The following SEPSECS variants were observed in gnomAD, a reference collection of about 807,000 sequenced individuals.
SEPSECS encodes Sep (O-phosphoserine) tRNA:Sec (selenocysteine) tRNA synthase.
In SEPSECS, 42 loss-of-function variants were observed where a neutral mutation model predicts 52.1. That is an observed-to-expected ratio of 0.81 (90% CI 0.63 to 1.04). SEPSECS has a LOEUF of 1.04. Among genes scored for constraint, SEPSECS ranks in the 50% least tolerant of loss-of-function variants. The pLI is 0.00. For synonymous variants in SEPSECS, 216 were observed against 211.4 expected, an observed-to-expected ratio of 1.02 and a Z score of -0.19; for missense variants, 590 against 610.6, an observed-to-expected ratio of 0.97 and a Z score of 0.36.
chr4:25,131,933 C>A (rs1728623797), intron 8 of SEPSECS, among the ~76,000 whole-genome samples: 1 of 152,140 alleles, frequency 6.6e-6, no homozygotes. Context: ...CTTCTAAGAC[C>A]ATAGACTTTC....
intron 8 of SEPSECS, among the ~76,000 whole-genome samples, chr4:25,136,136 A>C (rs747811183): frequency 4.6e-5 from 7 of 152,176 alleles, no homozygotes; most frequent in African/African-American, 7.2e-5. Context: ...CCCCTTGAAA[A>C]CCAGCTCAAG....
chr4:25,159,945 T>G, intron 1 of SEPSECS: 1 of 985,406 alleles, frequency 1.0e-6, no homozygotes, highest in Non-Finnish European at 1.2e-6. Context: ...GTGCGAACTT[T>G]GCCCTTTCCG....
At chr4:25,128,516 T>C (rs1260041652) in intron 8 of SEPSECS, among the ~76,000 whole-genome samples, 2 of 151,990 alleles carry the variant, frequency 1.3e-5, no homozygotes, top group Admixed American at 6.6e-5. Flanking sequence ...AAAAATAAAA[T>C]ATATTCAATA....
At chr4:25,138,344 A>T (rs1014853566) in intron 8 of SEPSECS, among the ~76,000 whole-genome samples, 5 of 152,088 alleles carry the variant, frequency 3.3e-5, no homozygotes, top group African/African-American at 1.2e-4. Context: ...GTTTAAAAAT[A>T]AACTTAGGCT....
chr4:25,136,888 T>C (rs1577609976), intron 8 of SEPSECS, among the ~76,000 whole-genome samples: 3 of 152,076 alleles, frequency 2.0e-5, no homozygotes, highest in Admixed American at 6.6e-5. Flanking sequence ...CGAAACAGAA[T>C]AGATAACTCA....
chr4:25,145,912 T>C (rs1398639404), intron 6 of SEPSECS, among the ~76,000 whole-genome samples: 1 of 152,270 alleles, frequency 6.6e-6, no homozygotes, highest in East Asian at 1.9e-4. Context: ...TTGGCAATTC[T>C]AGAAGCAATG....
intron 6 of SEPSECS, 58 bp from the exon 7 acceptor site, chr4:25,145,191 C>T: frequency 6.4e-7 from 1 of 1,552,086 alleles, no homozygotes; most frequent in South Asian, 1.1e-5. Flanking sequence ...CTGCTATTAA[C>T]AAACAAATAC....
At chr4:25,151,158 G>A (rs1452610925) in intron 6 of SEPSECS, among the ~76,000 whole-genome samples, 2 of 152,084 alleles carry the variant, frequency 1.3e-5, no homozygotes. Flanking sequence ...CACTCACTTT[G>A]TTCAGTAACC....
chr4:25,145,037 A>T lies in SEPSECS; in HGVS notation c.901T>A (p.Ser301Thr). ...GGAIIAGFND[S>T]FIQEISKMYP... ...ATCTTGCTGATTTCCTGAATGAATG[A>T]ATCATTAAAGCCAGCAATTATAGCA... is the stretch of plus-strand genomic sequence containing the variant. The change falls in exon 7 of 11, where the codon TCA becomes ACA. Residue 301 changes from serine (S) to threonine (T), a missense_variant. By Grantham distance (58) the Ser-to-Thr change is moderately conservative. Transcript: ENST00000382103. 1 of 1,614,006 alleles carries T rather than the reference A, an allele frequency of 6.2e-7. No homozygotes were observed. Among genetic ancestry groups the T allele is most frequent in the East Asian group, 2.2e-5 (1 of 44,826 alleles).
At position 25,151,978 on chromosome 4, in the gene SEPSECS, A is replaced by G; in HGVS notation, c.786T>C (p.Cys262=). The change falls in exon 6 of 11, where the codon TGT becomes TGC. Residue 262 remains cysteine (C), a synonymous_variant. Coordinates refer to ENST00000382103, the MANE Select transcript of SEPSECS (RefSeq NM_016955.4). ...NNAYGVQSSK[C]MHLIQQGARV... ...CTCTTACCTGCTGAATGAGATGCAT[A>G]CACTTTGAAGACTGCACTCCATAAG... 6.3e-7 allele frequency: 1 copy of G among 1,578,152 alleles called. No individual in the cohort carries two copies. The highest frequency in any genetic ancestry group is 8.7e-7 in the Non-Finnish European group (1 of 1,147,464).
At chr4:25,127,229 A>C in intron 9 of SEPSECS, 35 bp downstream of exon 9, 4 of 1,341,966 alleles carry the variant, frequency 3.0e-6, no homozygotes, top group Non-Finnish European at 4.3e-6. Flanking sequence ...AGTGGATCAT[A>C]AGTATTTGTT....
chr4:25,149,447 T>A (rs1712177131), intron 6 of SEPSECS, among the ~76,000 whole-genome samples: 1 of 152,088 alleles, frequency 6.6e-6, no homozygotes, highest in East Asian at 1.9e-4. Flanking sequence ...ATGATCATTA[T>A]GAAAACTTTA....
chr4:25,145,099 T>G lies in SEPSECS; in HGVS notation c.839A>C (p.Gln280Pro). ...ARVGRIDAFV[Q>P]SLDKNFMVPV... is the part of the protein sequence containing the mutation. Reference sequence around the variant, plus strand: ...AACCATAAAATTTTTGTCCAAGCTCTGAACAAAAGCATCTATTCTACCAAC... The same window carrying G: ...AACCATAAAATTTTTGTCCAAGCTCGGAACAAAAGCATCTATTCTACCAAC... The change falls in exon 7 of 11, where the codon CAG becomes CCG. Residue 280 changes from glutamine (Q) to proline (P), a missense_variant. Transcript: ENST00000382103. The G allele has an allele frequency of 6.2e-7, 1 of 1,613,966 alleles. No homozygotes were observed. Among genetic ancestry groups the G allele is most frequent in the Non-Finnish European group, 8.5e-7 (1 of 1,179,904 alleles).
At position 25,121,858 on chromosome 4, in the gene SEPSECS, T is replaced by TAG. The variant is rs1224882680; in HGVS notation, c.*2072_*2073insCT. 1 of 152,192 alleles carries TAG rather than the reference T, an allele frequency of 6.6e-6. No individual in the cohort carries two copies. The highest frequency in any genetic ancestry group is 1.5e-5 in the Non-Finnish European group (1 of 68,002). The allele number at this position is 152,192 out of a possible 1,614,324, so 9.4% of individuals were successfully genotyped here. ...GCAGCTGAAGCCCAAGAACTGCTGA[T>TAG]ACACTGCAGATGAGAAAACATTTGC... On this transcript the variant is annotated 3_prime_UTR_variant, in exon 11 of 11. Coordinates refer to ENST00000382103, the MANE Select transcript of SEPSECS (RefSeq NM_016955.4).
At chr4:25,144,249 A>C (rs1711814443) in intron 8 of SEPSECS, among the ~76,000 whole-genome samples, 1 of 151,154 alleles carries the variant, frequency 6.6e-6, no homozygotes. Flanking sequence ...CTGAGGCAGA[A>C]GAATGGTTTG....
rs1023853461 is a variant in SEPSECS at position 25,131,480 on chromosome 4, A to T, written c.1027-4123T>A. Among the ~76,000 whole-genome samples the T allele has an allele frequency of 1.1e-4, 17 of 152,346 alleles. No homozygotes were observed. The East Asian group carries it at 3.1e-3, about 28-fold the overall frequency. On this transcript the variant is annotated intron_variant, in intron 8 of 10. Transcript: ENST00000382103. ...GATGTCCATATTGGAGGAAAACAGT[A>T]CTAAATATGACATGCTGCTGTCTAT...
At chr4:25,147,450 T>G (rs554920272) in intron 6 of SEPSECS, among the ~76,000 whole-genome samples, 8 of 152,366 alleles carry the variant, frequency 5.3e-5, no homozygotes, top group African/African-American at 1.7e-4. Context: ...GAATAAACAG[T>G]AGTAATACCT....
intron 8 of SEPSECS, among the ~76,000 whole-genome samples, chr4:25,129,592 C>T (rs879939595): frequency 4.6e-5 from 7 of 151,016 alleles, no homozygotes; most frequent in East Asian, 4.0e-4. Context: ...AGTTTCACCA[C>T]GCTGGTCAGG....
chr4:25,126,500 C>T (rs1728379460), intron 9 of SEPSECS, among the ~76,000 whole-genome samples: 1 of 152,180 alleles, frequency 6.6e-6, no homozygotes, highest in African/African-American at 2.4e-5. Context: ...ACAAATGATT[C>T]ACCTTCCTTA....
Sources: gnomAD v4.1 joint callset for allele counts (sites outside exome capture counted in the v4.1 genomes callset) on GRCh38, gnomAD v4.1.1 for gene constraint, MANE v1.5 for transcripts, NCBI Gene and HGNC (gene_info 2026-07-23, HGNC 2026-07-21) for gene names.